Variants in SUMF2 observed in about 807,000 individuals in gnomAD.
SUMF2 encodes the protein sulfatase modifying factor 2.
Under a neutral mutation model 44.8 loss-of-function variants are expected in SUMF2, and 45 were observed. The observed-to-expected ratio is 1.00, with a 90% CI of 0.79 to 1.29. SUMF2 has a LOEUF of 1.29. Ranked by LOEUF, SUMF2 falls within the 50% of genes most tolerant of loss-of-function variation. The pLI is 0.00. For synonymous variants in SUMF2, 148 were observed against 150.4 expected (o/e 0.98, Z 0.12); for missense variants, 418 against 389.9 (o/e 1.07, Z -0.61).
chr7:56,083,087 C>G, downstream of SUMF2: 1 of 523,232 alleles, frequency 1.9e-6, no homozygotes. Flanking sequence ...GCCTGGGCGA[C>G]AGAGTGAGAC....
chr7:56,073,558 C>T (rs565180710), intron 3 of SUMF2: 31 of 213,446 alleles, frequency 1.5e-4, no homozygotes, highest in Non-Finnish European at 2.6e-4. Context: ...GCATGAGAAT[C>T]GCTTGAACCT....
chr7:56,068,750 C>A, intron 2 of SUMF2, 112 bp downstream of exon 2: 2 of 1,317,054 alleles, frequency 1.5e-6, no homozygotes, highest in Non-Finnish European at 2.0e-6. Context: ...CACCCAGGTG[C>A]TGGAGTGCAG....
At chr7:56,071,812 A>ATAAATAAATAAATAAATAAT (rs1175317309) in intron 2 of SUMF2, among the ~76,000 whole-genome samples, 6 of 149,586 alleles carry the variant, frequency 4.0e-5, no homozygotes, top group African/African-American at 1.2e-4. Context: ...AAATAAATAA[A>ATAAATAAATAAATAAATAAT]TAATTAAATA....
At chr7:56,086,038 T>C in the SUMF2 span, among the ~76,000 whole-genome samples, 1 of 150,708 alleles carries the variant, frequency 6.6e-6, no homozygotes, top group Non-Finnish European at 1.5e-5. Context: ...CCAAACTCCT[T>C]ACTATGGCTA....
chr7:56,064,433 G>T, intron 1 of SUMF2, 55 bp downstream of exon 1: 1 of 1,554,202 alleles, frequency 6.4e-7, no homozygotes, highest in Non-Finnish European at 8.7e-7. Flanking sequence ...GGGGCGCTCC[G>T]CCCTGACGGG....
At chr7:56,082,187 G>T, downstream of SUMF2, 4 of 1,613,888 alleles carry the variant, frequency 2.5e-6, no homozygotes, top group South Asian at 1.1e-5. Flanking sequence ...CCCGTAGCCC[G>T]GGTGGTCCTC....
downstream of SUMF2, among the ~76,000 whole-genome samples, chr7:56,082,922 A>G (rs1422958490): frequency 6.6e-6 from 1 of 152,112 alleles, no homozygotes; most frequent in Non-Finnish European, 1.5e-5. Context: ...CCTGACCAAC[A>G]TGGTGAAACC....
the SUMF2 span, chr7:56,087,468 G>T: frequency 1.3e-6 from 1 of 789,232 alleles, no homozygotes; most frequent in Non-Finnish European, 2.1e-6. Context: ...GAGCAGTGAG[G>T]GTGGAGCTGG....
intron 2 of SUMF2, 121 bp downstream of exon 2, chr7:56,068,759 A>T: frequency 1.6e-6 from 2 of 1,220,460 alleles, no homozygotes. Flanking sequence ...GCTGGAGTGC[A>T]GTGGCGCAAT....
downstream of SUMF2, chr7:56,080,791 A>AG (rs573821445): frequency 8.5e-4 from 445 of 525,972 alleles, 2 homozygotes; most frequent in African/African-American, 7.7e-3. Context: ...GTAGAGGAGC[A>AG]GGGGGTTCCT....
Position 56,068,516 on chromosome 7 carries a change from G to C in SUMF2, c.102G>C (p.Gln34His), listed in dbSNP as rs199650602. 6.2e-7 allele frequency: 1 copy of C among 1,613,820 alleles called. No homozygotes were observed. The highest frequency in any genetic ancestry group is 8.5e-7 in the Non-Finnish European group (1 of 1,179,896). Residue 34 changes from glutamine to histidine, a missense_variant, in exon 2 of 9, where the codon CAG becomes CAC. Transcript: ENST00000434526. Reference sequence around the variant, plus strand: ...AGGCTACTAGCATGGTCCAACTGCAGGGTGGGAGATTCCTGATGGGAACAA... The same window carrying C: ...AGGCTACTAGCATGGTCCAACTGCACGGTGGGAGATTCCTGATGGGAACAA... Reference protein sequence around the residue: ...NGQATSMVQLQGGRFLMGTNS... With the variant: ...NGQATSMVQLHGGRFLMGTNS...
intron 8 of SUMF2, chr7:56,078,975 C>A (rs369979890): frequency 1.6e-6 from 1 of 625,008 alleles, no homozygotes. Context: ...CAGCTCACTA[C>A]AGCCTCAAAC....
rs772830629 is a variant in SUMF2, at chr7:56,070,639, A to G, written c.224+2001A>G. On this transcript the variant is annotated intron_variant, in intron 2 of 8. Transcript: ENST00000434526. Reference sequence around the variant, plus strand: ...AGAGACATCCTTTCTCAAAAAAAAGAAAAAAAAAAAAGATGTGCTGGAGAC... The same window carrying G: ...AGAGACATCCTTTCTCAAAAAAAAGGAAAAAAAAAAAGATGTGCTGGAGAC... 9.3e-3 allele frequency among the ~76,000 whole-genome samples: 1,338 copies of G among 143,320 alleles called. 13 individuals are homozygous for G. Among genetic ancestry groups the G allele is most frequent in the Non-Finnish European group, 0.015 (957 of 64,892 alleles). 94.0% of individuals were successfully genotyped at this position (143,320 alleles called of 152,430 possible). A position where few individuals can be genotyped will look rare whatever the true frequency, so the allele number is the denominator to read the frequency against.
At chr7:56,077,969 C>T in intron 6 of SUMF2, 133 bp from the exon 7 acceptor site, 10 of 708,550 alleles carry the variant, frequency 1.4e-5, no homozygotes, top group Non-Finnish European at 2.4e-6. Flanking sequence ...AGATAGGAAT[C>T]TTAGGTCACC....
At chr7:56,066,299 G>C (rs1201945260) in intron 1 of SUMF2, among the ~76,000 whole-genome samples, 1 of 152,062 alleles carries the variant, frequency 6.6e-6, no homozygotes. Context: ...AGCTGAAGCA[G>C]TATGGCTTAT....
the SUMF2 span, among the ~76,000 whole-genome samples, chr7:56,086,404 G>A: frequency 6.6e-6 from 1 of 152,120 alleles, no homozygotes; most frequent in African/African-American, 2.4e-5. Context: ...CAGGCACGGT[G>A]GCTTATGCCT....
At chr7:56,086,476 T>G in the SUMF2 span, among the ~76,000 whole-genome samples, 7 of 151,494 alleles carry the variant, frequency 4.6e-5, no homozygotes, top group South Asian at 2.1e-4. Flanking sequence ...AGTTTTGGGG[T>G]TTTTTTTGTT....
chr7:56,074,469 T>G, intron 4 of SUMF2, 117 bp from the exon 5 acceptor site: 1 of 1,380,586 alleles, frequency 7.2e-7, no homozygotes, highest in Non-Finnish European at 9.9e-7. Flanking sequence ...CACCCGGCTC[T>G]CTTCCAGCTC....
At chr7:56,081,239 G>A, downstream of SUMF2, 1 of 1,613,400 alleles carries the variant, frequency 6.2e-7, no homozygotes, top group Non-Finnish European at 8.5e-7. This position sits in a 1 kb window ranked among gnomAD's most constrained non-coding sequence, Gnocchi z 4.6. Context: ...CGGGTCACAG[G>A]CTTCACCCGG....
Sources: allele counts gnomAD v4.1 joint callset (sites outside exome capture counted in the v4.1 genomes callset), GRCh38; gene constraint gnomAD v4.1.1; non-coding constraint Gnocchi (gnomAD v3.1); transcripts MANE v1.5; gene names NCBI Gene and HGNC (gene_info 2026-07-23, HGNC 2026-07-21).